AGBL1: variants seen among roughly 807,000 people sequenced by gnomAD.
AGBL1 encodes cytosolic carboxypeptidase 4.
AGBL1 carries 130 observed loss-of-function variants against 118.9 expected under a neutral mutation model. The observed-to-expected ratio is 1.09, with a 90% CI of 0.95 to 1.26. The LOEUF (loss-of-function observed/expected upper bound fraction) is 1.26, where lower values mean the gene tolerates loss of function less well. Ranked by LOEUF, AGBL1 falls within the 50% of genes most tolerant of loss-of-function variation. AGBL1 has a pLI of 0.00. For synonymous variants in AGBL1, 555 were observed against 478.9 expected, an observed-to-expected ratio of 1.16 and a Z score of -2.08; for missense variants, 1,584 against 1,298.1, an observed-to-expected ratio of 1.22 and a Z score of -3.38.
At chr15:86,112,271 C>T (rs1028113923) in intron 1 of AGBL1, among the ~76,000 whole-genome samples, 2 of 152,054 alleles carry the variant, frequency 1.3e-5, no homozygotes, top group African/African-American at 4.8e-5. Flanking sequence ...GGGAGCTCTG[C>T]ATTGATAGAA....
chr15:86,640,183 A>C (rs1397499023), intron 21 of AGBL1, among the ~76,000 whole-genome samples: 1 of 152,186 alleles, frequency 6.6e-6, no homozygotes, highest in Non-Finnish European at 1.5e-5. Context: ...TGCTCCACCT[A>C]GACCACCAGG....
At chr15:86,810,616 G>A (rs2141367268) in intron 22 of AGBL1, among the ~76,000 whole-genome samples, 1 of 152,208 alleles carries the variant, frequency 6.6e-6, no homozygotes, top group East Asian at 1.9e-4. Flanking sequence ...GTGTTTCTTT[G>A]ATTAATTAAC....
In AGBL1 at chr15:86,595,273, C is replaced by A. The variant is rs1056743074; in HGVS notation, c.2994+40736C>A. Among the ~76,000 whole-genome samples the A allele has an allele frequency of 7.9e-5, 12 of 152,140 alleles. No individual in the cohort carries two copies. In the East Asian group the frequency reaches 2.3e-3, roughly 29 times the overall value. ...CTCCAGCTTGGATCTTTTTTTCTAACCCCAGACCTAAAAGTCTAACAGACA... is the reference window on the plus strand; with the variant it reads ...CTCCAGCTTGGATCTTTTTTTCTAAACCCAGACCTAAAAGTCTAACAGACA... On this transcript the variant is annotated intron_variant, in intron 21 of 22. Transcript: ENST00000614907.
At chr15:86,676,722 C>T (rs2085855549) in intron 22 of AGBL1, among the ~76,000 whole-genome samples, 1 of 152,102 alleles carries the variant, frequency 6.6e-6, no homozygotes, top group Non-Finnish European at 1.5e-5. Context: ...CAGCATCCTA[C>T]AAGAAGATTT....
At chr15:86,365,008 T>TATAC (rs1471135107) in intron 17 of AGBL1, among the ~76,000 whole-genome samples, 37 of 116,838 alleles carry the variant, frequency 3.2e-4, no homozygotes, top group South Asian at 1.6e-3. Context: ...CATATATATA[T>TATAC]ACACACACAT....
intron 19 of AGBL1, among the ~76,000 whole-genome samples, chr15:86,540,962 G>A (rs988534176): frequency 6.6e-6 from 1 of 152,144 alleles, no homozygotes; most frequent in African/African-American, 2.4e-5. Context: ...ATCAGGGAAG[G>A]AAGAAAAGCT....
At chr15:86,632,334 G>C (rs143595757) in intron 21 of AGBL1, among the ~76,000 whole-genome samples, 81 of 150,746 alleles carry the variant, frequency 5.4e-4, no homozygotes, top group African/African-American at 1.9e-3. Flanking sequence ...ATCCAGCACT[G>C]TGGGAGACTG....
chr15:86,371,766 G>C (rs765430360), intron 17 of AGBL1, among the ~76,000 whole-genome samples: 1 of 152,272 alleles, frequency 6.6e-6, no homozygotes, highest in Non-Finnish European at 1.5e-5. Flanking sequence ...GCACAAAGGG[G>C]TGGTGTGGTG....
At chr15:86,737,587 A>T (rs958368082) in intron 22 of AGBL1, among the ~76,000 whole-genome samples, 2 of 152,106 alleles carry the variant, frequency 1.3e-5, no homozygotes, top group South Asian at 4.2e-4. Context: ...GTGTAGTATG[A>T]GCTGAGCCTT....
chr15:86,590,282 A>T (rs145313136), intron 21 of AGBL1, among the ~76,000 whole-genome samples: 124 of 152,248 alleles, frequency 8.1e-4, no homozygotes, highest in East Asian at 5.2e-3. Flanking sequence ...CATAATCTCC[A>T]TGTGTCATGG....
At chr15:86,440,726 G>C (rs542293644) in intron 18 of AGBL1, among the ~76,000 whole-genome samples, 1 of 152,042 alleles carries the variant, frequency 6.6e-6, no homozygotes, top group African/African-American at 2.4e-5. Flanking sequence ...CCTTTGACAT[G>C]GTCTCCTGCT....
At chr15:86,468,626 G>A (rs2082437916) in intron 18 of AGBL1, among the ~76,000 whole-genome samples, 1 of 152,082 alleles carries the variant, frequency 6.6e-6, no homozygotes, top group Admixed American at 6.6e-5. Flanking sequence ...ATTTTTTTCA[G>A]ATTTAAATTG....
chr15:86,155,665 T>C (rs2077178938), intron 4 of AGBL1, among the ~76,000 whole-genome samples: 1 of 152,130 alleles, frequency 6.6e-6, no homozygotes, highest in Non-Finnish European at 1.5e-5. Flanking sequence ...GTGACAATTA[T>C]TTAGAGGTTA....
intron 22 of AGBL1, among the ~76,000 whole-genome samples, chr15:86,825,669 G>A (rs946937188): frequency 5.7e-5 from 8 of 140,896 alleles, no homozygotes; most frequent in African/African-American, 8.0e-5. Context: ...GGGAAAGAGG[G>A]AGGGAGGAAG....
At position 86,649,781 on chromosome 15, in the gene AGBL1, G is replaced by A. The variant is rs559488778; in HGVS notation, c.2995-24492G>A. On this transcript the variant is annotated intron_variant, in intron 21 of 22. Transcript: ENST00000614907. ...AACATTCTTTTTTTTTTTGGTGGGG[G>A]GCTTATAATATAATGCCTATGTGTG... Among the ~76,000 whole-genome samples the A allele has an allele frequency of 2.3e-4, 34 of 150,004 alleles. 1 individual carries two copies. The highest frequency in any genetic ancestry group is 1.7e-3 in the Admixed American group (26 of 15,136).
At chr15:86,314,889 G>T (rs2079976920) in intron 17 of AGBL1, among the ~76,000 whole-genome samples, 1 of 152,110 alleles carries the variant, frequency 6.6e-6, no homozygotes, top group African/African-American at 2.4e-5. Context: ...GTAAAACATG[G>T]GCTTGTCATC....
chr15:86,403,655 A>G (rs1471688995), intron 18 of AGBL1, among the ~76,000 whole-genome samples: 1 of 152,170 alleles, frequency 6.6e-6, no homozygotes, highest in African/African-American at 2.4e-5. Flanking sequence ...CTTAATCATC[A>G]CTATAGCCCA....
intron 18 of AGBL1, among the ~76,000 whole-genome samples, chr15:86,482,292 G>A (rs57812050): frequency 0.075 from 11,461 of 152,176 alleles, 1,066 homozygotes; most frequent in African/African-American, 0.22. Flanking sequence ...CCAGCTGAAG[G>A]GAGCTAGAGA....
intron 23 of AGBL1, among the ~76,000 whole-genome samples, chr15:86,964,031 C>CTCTCTCTCTCTGTG (rs1183866210): frequency 8.9e-5 from 13 of 146,304 alleles, no homozygotes; most frequent in Middle Eastern, 3.5e-3. Context: ...CTCTCTCTCT[C>CTCTCTCTCTCTGTG]TGTGTGTGTG....
Sources: gnomAD v4.1 joint callset for allele counts (sites outside exome capture counted in the v4.1 genomes callset) on GRCh38, gnomAD v4.1.1 for gene constraint, MANE v1.5 for transcripts, NCBI Gene and HGNC (gene_info 2026-07-23, HGNC 2026-07-21) for gene names.